TPCN1: variants seen among roughly 807,000 people sequenced by gnomAD.
The protein encoded by TPCN1 is two pore channel protein 1.
In TPCN1, 52 loss-of-function variants were observed where a neutral mutation model predicts 108.8. That is an observed-to-expected ratio of 0.48 (90% CI 0.38 to 0.60). The LOEUF (loss-of-function observed/expected upper bound fraction) is 0.60, where lower values mean the gene tolerates loss of function less well. Ranked by LOEUF, TPCN1 falls within the 20% of genes least tolerant of loss-of-function variation. The probability of loss-of-function intolerance (pLI) is 0.00; values close to 1 mark genes in which losing one functional copy is unlikely to be tolerated. For synonymous variants in TPCN1, 446 were observed against 433.7 expected, an observed-to-expected ratio of 1.03 and a Z score of -0.35; for missense variants, 806 against 1,072.8, an observed-to-expected ratio of 0.75 and a Z score of 3.47.
intron 14 of TPCN1, among the ~76,000 whole-genome samples, chr12:113,279,583 T>C (rs1316366754): frequency 6.6e-6 from 1 of 150,710 alleles, no homozygotes; most frequent in Non-Finnish European, 1.5e-5. Flanking sequence ...TGTGTGTGTT[T>C]TTAGTAGAGA....
At chr12:113,242,703 T>G (rs1329586767) in intron 2 of TPCN1, among the ~76,000 whole-genome samples, 1 of 152,228 alleles carries the variant, frequency 6.6e-6, no homozygotes, top group East Asian at 1.9e-4. Context: ...GCCCTGCTGT[T>G]GAAGTCTCTG....
intron 2 of TPCN1, among the ~76,000 whole-genome samples, chr12:113,254,974 C>G (rs1190329565): frequency 6.6e-6 from 1 of 152,280 alleles, no homozygotes; most frequent in South Asian, 2.1e-4. Context: ...TGCTTTTCCC[C>G]TAAGATCAGG....
intron 2 of TPCN1, among the ~76,000 whole-genome samples, chr12:113,259,542 A>G (rs1593138105): frequency 6.6e-6 from 1 of 152,132 alleles, no homozygotes; most frequent in South Asian, 2.1e-4. Context: ...AGTGTTATCT[A>G]TTGGTTATTG....
intron 2 of TPCN1, chr12:113,245,781 G>T (rs1954357064): frequency 2.8e-6 from 1 of 360,028 alleles, no homozygotes; most frequent in East Asian, 7.5e-5. Context: ...CAGCCGGGCT[G>T]CCCCCTGCGC....
intron 2 of TPCN1, among the ~76,000 whole-genome samples, chr12:113,250,965 A>C (rs1011337345): frequency 8.0e-6 from 1 of 124,626 alleles, no homozygotes; most frequent in Non-Finnish European, 1.7e-5. Context: ...CTCTGTCTCA[A>C]AAAAAAAAGA....
chr12:113,279,363 A>G (rs541329320), intron 14 of TPCN1, among the ~76,000 whole-genome samples: 482 of 33,650 alleles, frequency 0.014, 2 homozygotes, highest in African/African-American at 0.057. Flanking sequence ...GTGTGTGTAT[A>G]TATATATATA....
At chr12:113,293,207 T>C in intron 26 of TPCN1, 62 bp from the exon 27 acceptor site, 1 of 1,605,354 alleles carries the variant, frequency 6.2e-7, no homozygotes. Context: ...ACGCCAACTG[T>C]GGCACCAGGG....
At chr12:113,244,368 A>G (rs978777260) in intron 2 of TPCN1, 1 of 985,318 alleles carries the variant, frequency 1.0e-6, no homozygotes, top group Non-Finnish European at 1.2e-6. Context: ...GAAGGTTGGT[A>G]CATTTGCCCA....
At chr12:113,234,360 A>G (rs891153187) in intron 2 of TPCN1, among the ~76,000 whole-genome samples, 2 of 152,184 alleles carry the variant, frequency 1.3e-5, no homozygotes, top group African/African-American at 4.8e-5. Flanking sequence ...TGGGCCTGGG[A>G]AAGGAAGGAT....
chr12:113,291,542 A>G, intron 23 of TPCN1, 67 bp from the exon 24 acceptor site: 1 of 1,384,414 alleles, frequency 7.2e-7, no homozygotes, highest in South Asian at 1.2e-5. Context: ...GCCATGGAGC[A>G]GCCTGTGTAG....
At chr12:113,257,488 CAAA>C (rs77052703) in intron 2 of TPCN1, among the ~76,000 whole-genome samples, 1 of 96,676 alleles carries the variant, frequency 1.0e-5, no homozygotes, top group Admixed American at 1.1e-4. Context: ...GAGACCGTCT[CAAA>C]AAAAAAAAAA....
intron 2 of TPCN1, among the ~76,000 whole-genome samples, chr12:113,257,179 C>T (rs2136558532): frequency 6.6e-6 from 1 of 152,222 alleles, no homozygotes; most frequent in South Asian, 2.1e-4. Flanking sequence ...CAATGATATA[C>T]CACTACCCAT....
rs915241464 is a variant in TPCN1, at chr12:113,293,350, G to C, written c.2334+1G>C. On this transcript the variant is annotated splice_donor_variant, in intron 27 of 27. Transcript: ENST00000335509. LOFTEE classifies it high-confidence loss of function. Reference sequence around the variant, plus strand: ...GAAGATGTACCAGGAGGAGATCCAGGTAGGAGCCTGGCCGACCACGCTGCG... The same window carrying C: ...GAAGATGTACCAGGAGGAGATCCAGCTAGGAGCCTGGCCGACCACGCTGCG... The C allele has an allele frequency of 6.2e-7, 1 of 1,613,798 alleles. No individual in the cohort carries two copies. The highest frequency in any genetic ancestry group is 8.5e-7 in the Non-Finnish European group (1 of 1,179,998).
chr12:113,243,291 A>T (rs1954220940), intron 2 of TPCN1, among the ~76,000 whole-genome samples: 1 of 151,934 alleles, frequency 6.6e-6, no homozygotes, highest in African/African-American at 2.4e-5. Context: ...AATCACTTGA[A>T]CCCGGGAGAT....
intron 23 of TPCN1, among the ~76,000 whole-genome samples, 174 bp downstream of exon 23, chr12:113,291,172 A>AC: frequency 6.6e-6 from 1 of 151,936 alleles, no homozygotes; most frequent in East Asian, 1.9e-4. Flanking sequence ...CCCAGGAGCC[A>AC]CCCCTCCCAG....
chr12:113,278,335 C>A, intron 13 of TPCN1, 98 bp downstream of exon 13: 1 of 1,113,712 alleles, frequency 9.0e-7, no homozygotes, highest in Non-Finnish European at 1.4e-6. Context: ...TCTCTCCCTG[C>A]TAGAGCAGCT....
chr12:113,245,662 A>T (rs1262492287), intron 2 of TPCN1, among the ~76,000 whole-genome samples: 1 of 151,486 alleles, frequency 6.6e-6, no homozygotes, highest in Non-Finnish European at 1.5e-5. Flanking sequence ...ACCCTTCCTG[A>T]GAACAGTCAT....
At chr12:113,280,716 A>G (rs77493462) in intron 15 of TPCN1, among the ~76,000 whole-genome samples, 3,672 of 152,342 alleles carry the variant, frequency 0.024, 59 homozygotes, top group Middle Eastern at 0.037. Context: ...ATGACTACCA[A>G]TTGGATTGTG....
chr12:113,284,805 G>A lies in TPCN1; in HGVS notation c.1453+34G>A. The A allele has an allele frequency of 6.2e-7, 1 of 1,611,840 alleles. No individual in the cohort carries two copies. The highest frequency in any genetic ancestry group is 1.1e-5 in the South Asian group (1 of 91,012). ...CCGACATGGCTTTGCTGGACTGCTT[G>A]TTTTAAAATTGTCTGGGAGAACTTT... On this transcript the variant is annotated intron_variant, in intron 17 of 27. Coordinates refer to ENST00000335509, the MANE Select transcript of TPCN1 (RefSeq NM_017901.6). The surrounding 1 kb of genome is among the most constrained non-coding windows in gnomAD (Gnocchi z 4.1).
Sources: allele counts gnomAD v4.1 joint callset (sites outside exome capture counted in the v4.1 genomes callset), GRCh38; gene constraint gnomAD v4.1.1; non-coding constraint Gnocchi (gnomAD v3.1); transcripts MANE v1.5; gene names NCBI Gene and HGNC (gene_info 2026-07-23, HGNC 2026-07-21).